TMEM132D: variants seen among roughly 807,000 people sequenced by gnomAD.
The protein encoded by TMEM132D is mature OL transmembrane protein.
In TMEM132D, 21 loss-of-function variants were observed where a neutral mutation model predicts 62.3. That is an observed-to-expected ratio of 0.34 (90% CI 0.24 to 0.49). The LOEUF (loss-of-function observed/expected upper bound fraction) is 0.49, where lower values mean the gene tolerates loss of function less well. TMEM132D is among the 20% of genes least tolerant of loss of function. The pLI, the probability that TMEM132D is intolerant of heterozygous loss-of-function variation, is 0.99. For missense variants in TMEM132D, 1,346 were observed against 1,402.8 expected, an observed-to-expected ratio of 0.96 and a Z score of 0.65; for synonymous variants, 621 against 575.6, an observed-to-expected ratio of 1.08 and a Z score of -1.13.
At chr12:129,631,583 T>C (rs1223987531) in intron 2 of TMEM132D, among the ~76,000 whole-genome samples, 2 of 152,140 alleles carry the variant, frequency 1.3e-5, no homozygotes, top group African/African-American at 4.8e-5. Flanking sequence ...AAGCAAAGAA[T>C]GTCTCATAGG....
chr12:129,278,140 T>C (rs1213143298), intron 4 of TMEM132D, among the ~76,000 whole-genome samples: 1 of 152,148 alleles, frequency 6.6e-6, no homozygotes, highest in Non-Finnish European at 1.5e-5. Context: ...CCAACTCCAA[T>C]GGAAACGATG....
At chr12:129,699,774 C>T (rs762069204) in intron 2 of TMEM132D, 36 bp downstream of exon 2, 9 of 1,598,168 alleles carry the variant, frequency 5.6e-6, no homozygotes, top group Admixed American at 1.7e-5. Flanking sequence ...ACCTGATCGA[C>T]GGGCGGGTAC....
chr12:129,085,684 G>C (rs1373523986), intron 5 of TMEM132D: 2 of 152,216 alleles, frequency 1.3e-5, no homozygotes, highest in Admixed American at 1.3e-4. Flanking sequence ...GCCGGCAGGA[G>C]TGGGGGAGCC....
At chr12:129,449,999 T>C (rs1177169046) in intron 3 of TMEM132D, among the ~76,000 whole-genome samples, 1 of 152,240 alleles carries the variant, frequency 6.6e-6, no homozygotes, top group Non-Finnish European at 1.5e-5. Flanking sequence ...CATATGATTG[T>C]TGGCCACATA....
chr12:129,294,656 T>C (rs1881525579), intron 4 of TMEM132D, among the ~76,000 whole-genome samples: 1 of 152,192 alleles, frequency 6.6e-6, no homozygotes. Context: ...TGCCTTCCTG[T>C]TTTCAGCTCT....
At chr12:129,399,187 T>C (rs984213323) in intron 3 of TMEM132D, among the ~76,000 whole-genome samples, 2 of 131,928 alleles carry the variant, frequency 1.5e-5, no homozygotes, top group Non-Finnish European at 3.0e-5. Context: ...ACTTCTGCAA[T>C]AGCTAACCCA....
At chr12:129,701,466 A>G (rs911984641) in intron 1 of TMEM132D, among the ~76,000 whole-genome samples, 7 of 152,162 alleles carry the variant, frequency 4.6e-5, no homozygotes, top group South Asian at 4.1e-4. Flanking sequence ...TCATCTATGA[A>G]ACACTGGACC....
chr12:129,337,694 C>T lies in TMEM132D; in HGVS notation c.1239G>A (p.Leu413=), dbSNP rs899591497. ...VEYPGEITSD[L]GVSKIYVSPK... ...GGCTCACATAGATCTTGGACACTCC[C>T]AAGTCAGACGTGATCTCTCCGGGGT... Residue 413 remains leucine, a synonymous_variant, in exon 4 of 9, where the codon TTG becomes TTA. Transcript: ENST00000422113. 7 of 1,614,218 alleles carry T rather than the reference C, an allele frequency of 4.3e-6. No individual in the cohort carries two copies. Among genetic ancestry groups the T allele is most frequent in the African/African-American group, 1.3e-5 (1 of 75,074 alleles).
chr12:129,165,919 C>T (rs936653802), intron 5 of TMEM132D, among the ~76,000 whole-genome samples: 3 of 152,188 alleles, frequency 2.0e-5, no homozygotes, highest in African/African-American at 4.8e-5. Flanking sequence ...TGGCTATTCA[C>T]GTGACGCTGA....
intron 4 of TMEM132D, among the ~76,000 whole-genome samples, chr12:129,219,587 GAACA>G (rs1879299552): frequency 6.6e-6 from 1 of 152,156 alleles, no homozygotes; most frequent in Non-Finnish European, 1.5e-5. Flanking sequence ...ATAAAGTAGG[GAACA>G]AAAATGTGAC....
At chr12:129,891,925 G>GA (rs944252907) in intron 1 of TMEM132D, among the ~76,000 whole-genome samples, 2 of 152,134 alleles carry the variant, frequency 1.3e-5, no homozygotes, top group African/African-American at 4.8e-5. Context: ...TCAAAAATGT[G>GA]AAGCAGTCAT....
At chr12:129,892,640 C>T (rs1874965730) in intron 1 of TMEM132D, among the ~76,000 whole-genome samples, 1 of 151,996 alleles carries the variant, frequency 6.6e-6, no homozygotes, top group Non-Finnish European at 1.5e-5. Flanking sequence ...TACTTATTTC[C>T]TAAGTAATAA....
intron 3 of TMEM132D, among the ~76,000 whole-genome samples, chr12:129,435,918 C>T (rs749098418): frequency 4.6e-5 from 7 of 152,114 alleles, no homozygotes; most frequent in Non-Finnish European, 7.3e-5. Context: ...CATTTTCCAG[C>T]GTCCCTTGTA....
rs142178487 is a variant in TMEM132D, at chr12:129,268,785, G to T, written c.1300-59122C>A. On this transcript the variant is annotated intron_variant, in intron 4 of 8. Coordinates refer to ENST00000422113, the MANE Select transcript of TMEM132D (RefSeq NM_133448.3). ...AAGCAACCCAAATGTCCAACAATGA[G>T]AGACTGGATTAAGAAAATGTGGCAC... 1.8e-3 allele frequency among the ~76,000 whole-genome samples: 281 copies of T among 152,098 alleles called. 2 individuals are homozygous for T. The highest frequency in any genetic ancestry group is 6.1e-3 in the African/African-American group (255 of 41,488).
intron 3 of TMEM132D, among the ~76,000 whole-genome samples, chr12:129,452,443 A>G (rs936080338): frequency 1.1e-4 from 16 of 152,150 alleles, no homozygotes; most frequent in African/African-American, 3.9e-4. Flanking sequence ...TCTTAGTTTT[A>G]GTGAATGTTA....
At chr12:129,633,976 C>T (rs1879414782) in intron 2 of TMEM132D, among the ~76,000 whole-genome samples, 1 of 152,140 alleles carries the variant, frequency 6.6e-6, no homozygotes, top group Non-Finnish European at 1.5e-5. Context: ...CACCTTCTCC[C>T]CCAACATATA....
At chr12:129,724,205 A>T (rs1868944396) in intron 1 of TMEM132D, among the ~76,000 whole-genome samples, 1 of 152,168 alleles carries the variant, frequency 6.6e-6, no homozygotes, top group Non-Finnish European at 1.5e-5. Context: ...TTAGATATGC[A>T]CCTTGAGCAA....
At chr12:129,825,576 C>A (rs1284678031) in intron 1 of TMEM132D, among the ~76,000 whole-genome samples, 1 of 152,166 alleles carries the variant, frequency 6.6e-6, no homozygotes, top group African/African-American at 2.4e-5. Flanking sequence ...TGCACTCTCC[C>A]AAGCCCAGTG....
At chr12:129,343,555 C>T (rs941727565) in intron 3 of TMEM132D, among the ~76,000 whole-genome samples, 1 of 151,970 alleles carries the variant, frequency 6.6e-6, no homozygotes, top group African/African-American at 2.4e-5. Context: ...TGCACATGTA[C>T]CCTAAAACTT....
Sources: allele counts gnomAD v4.1 joint callset (sites outside exome capture counted in the v4.1 genomes callset), GRCh38; gene constraint gnomAD v4.1.1; transcripts MANE v1.5; gene names NCBI Gene and HGNC (gene_info 2026-07-23, HGNC 2026-07-21).